The following DCTN2 variants were observed in gnomAD, a reference collection of about 807,000 sequenced individuals.
DCTN2 encodes 50 kDa dynein-associated polypeptide.
Under a neutral mutation model 55.4 loss-of-function variants are expected in DCTN2, and 18 were observed. The ratio of observed to expected loss-of-function variants is 0.32; its 90% CI spans 0.22 to 0.48. The LOEUF (loss-of-function observed/expected upper bound fraction) is 0.48. Ranked by LOEUF, DCTN2 falls within the 20% of genes least tolerant of loss-of-function variation. The pLI, the probability that DCTN2 is intolerant of heterozygous loss-of-function variation, is 0.99. For missense variants in DCTN2, 390 were observed against 491.0 expected (o/e 0.79, Z 1.94); for synonymous variants, 168 against 185.2 (o/e 0.91, Z 0.76).
chr12:57,538,598 G>C (rs1231015825), intron 2 of DCTN2: 6 of 711,200 alleles, frequency 8.4e-6, no homozygotes, highest in Non-Finnish European at 1.5e-5. Flanking sequence ...GGATGAGGGA[G>C]GGAAAAAAAA....
chr12:57,546,894 C>T, intron 1 of DCTN2, 134 bp downstream of exon 1: 2 of 765,426 alleles, frequency 2.6e-6, no homozygotes, highest in Non-Finnish European at 3.6e-6. Flanking sequence ...TGAGGCCGAT[C>T]GGAGAACGAG....
intron 2 of DCTN2, among the ~76,000 whole-genome samples, chr12:57,543,626 G>A (rs1204699291): frequency 6.6e-6 from 1 of 152,160 alleles, no homozygotes; most frequent in African/African-American, 2.4e-5. Flanking sequence ...AGGGACATGC[G>A]GGGGCCAGAG....
chr12:57,537,830 C>T (rs535457075), intron 2 of DCTN2, among the ~76,000 whole-genome samples: 1 of 152,300 alleles, frequency 6.6e-6, no homozygotes, highest in South Asian at 2.1e-4. Context: ...AGAACACCCA[C>T]CCATCTAATA....
intron 2 of DCTN2, chr12:57,538,482 C>A (rs745855258): frequency 1.3e-6 from 1 of 759,970 alleles, no homozygotes; most frequent in East Asian, 2.4e-5. Context: ...TCATAGCACA[C>A]CCCGTTAAAA....
intron 9 of DCTN2, 82 bp from the exon 10 acceptor site, chr12:57,532,892 T>G: frequency 1.3e-6 from 2 of 1,596,310 alleles, no homozygotes; most frequent in Non-Finnish European, 1.7e-6. Flanking sequence ...TAAATTAATA[T>G]ATAGCTACAA....
At chr12:57,545,672 T>A (rs188860578) in intron 2 of DCTN2, among the ~76,000 whole-genome samples, 50 of 152,314 alleles carry the variant, frequency 3.3e-4, no homozygotes, top group African/African-American at 1.2e-3. Flanking sequence ...TTGGTAGCAG[T>A]TTATTACAAG....
In DCTN2 at chr12:57,530,408, C is replaced by G. The variant is rs1879550469; in HGVS notation, c.*281G>C. 5 of 364,106 alleles carry G rather than the reference C, an allele frequency of 1.4e-5. No individual in the cohort carries two copies. In the South Asian group the frequency reaches 2.9e-4, roughly 21 times the overall value. 22.6% of individuals were successfully genotyped at this position (364,106 alleles called of 1,614,324 possible). A position where few individuals can be genotyped will look rare whatever the true frequency, so the allele number is the denominator to read the frequency against. ...GGACAAGACCCAATCCTTCCCCACA[C>G]CAGGCAAAGCAGTATTGGACATGAG... On this transcript the variant is annotated 3_prime_UTR_variant, in exon 14 of 14. Coordinates refer to ENST00000548249, the MANE Select transcript of DCTN2 (RefSeq NM_001261413.2).
rs368765016 is a variant in DCTN2, at chr12:57,534,090, G to T, written c.532C>A (p.Leu178Ile). The change falls in exon 7 of 14, where the codon CTA (leucine) becomes ATA (isoleucine). Residue 178 changes from leucine (L) to isoleucine (I), a missense_variant. Coordinates refer to ENST00000548249, the MANE Select transcript of DCTN2 (RefSeq NM_001261413.2). ...TTCTTTGTTGCTTCCAGCTGCAGTA[G>T]TAGGCGCCTAGTTAGGAGACCGAGT... ...DPDGALAKRL[L>I]LQLEATKNSK... The T allele has an allele frequency of 1.5e-5, 24 of 1,599,328 alleles. No individual in the cohort carries two copies. Among genetic ancestry groups the T allele is most frequent in the Non-Finnish European group, 2.0e-5 (24 of 1,173,010 alleles).
At chr12:57,531,952 C>A in intron 13 of DCTN2, 63 bp downstream of exon 13, 1 of 1,550,876 alleles carries the variant, frequency 6.4e-7, no homozygotes. Flanking sequence ...AACCCTATAA[C>A]ACTGGAGAAC....
rs1879770747 is a variant in DCTN2, at chr12:57,532,033, A to G, written c.1101T>C (p.Asn367=). The G allele has an allele frequency of 6.4e-7, 1 of 1,563,856 alleles. No individual in the cohort carries two copies. The highest frequency in any genetic ancestry group is 1.2e-5 in the South Asian group (1 of 84,620). Residue 367 remains asparagine, a synonymous_variant, in exon 13 of 14, where the codon AAT becomes AAC. Transcript: ENST00000548249. ...QQMIANSLKD[N]TTLLTQVQTT... ...CACACACCTGGGTCAAGAGGGTGGT[A>G]TTGTCCTTCAAGGAATTAGCAATCA...
At chr12:57,534,643 C>T (rs1880070229) in intron 5 of DCTN2, 191 bp from the exon 6 acceptor site, 5 of 537,594 alleles carry the variant, frequency 9.3e-6, no homozygotes, top group Non-Finnish European at 1.6e-5. Flanking sequence ...ACCTTAGCCC[C>T]TTTATCCAGG....
At chr12:57,541,342 A>T (rs1478210307) in intron 2 of DCTN2, 3 of 1,598,444 alleles carry the variant, frequency 1.9e-6, no homozygotes, top group Non-Finnish European at 2.5e-6. Flanking sequence ...ACATGCAGAG[A>T]AGAAGCATTG....
At chr12:57,531,663 A>G (rs1439955677) in intron 13 of DCTN2, among the ~76,000 whole-genome samples, 1 of 152,204 alleles carries the variant, frequency 6.6e-6, no homozygotes, top group Non-Finnish European at 1.5e-5. Context: ...CAAAGCCCGG[A>G]TTCCTTCCAG....
In DCTN2 at chr12:57,544,419, G is replaced by GTT. The variant is rs35689804; in HGVS notation, c.105+1607_105+1608dup. Among the ~76,000 whole-genome samples, 600 of 140,544 alleles carry GTT rather than the reference G, an allele frequency of 4.3e-3. 1 individual carries two copies. Among genetic ancestry groups the GTT allele is most frequent in the African/African-American group, 0.014 (537 of 38,138 alleles). 92.2% of individuals were successfully genotyped at this position (140,544 alleles called of 152,430 possible). A position where few individuals can be genotyped will look rare whatever the true frequency, so the allele number is the denominator to read the frequency against. Reference sequence around the variant, plus strand: ...TGTTTTTTTTTTTATTGTTGTACTGGTTTTTTTTTTTTTGAGATGGAGTCT... The same window carrying GTT: ...TGTTTTTTTTTTTATTGTTGTACTGGTTTTTTTTTTTTTTTGAGATGGAGTCT... On this transcript the variant is annotated intron_variant, in intron 2 of 13. Coordinates refer to ENST00000548249, the MANE Select transcript of DCTN2 (RefSeq NM_001261413.2).
chr12:57,534,460 G>C lies in DCTN2; in HGVS notation c.364-8C>G. On this transcript the variant is annotated splice_polypyrimidine_tract_variant and splice_region_variant and intron_variant, in intron 5 of 13. Coordinates refer to ENST00000548249, the MANE Select transcript of DCTN2 (RefSeq NM_001261413.2). ...TGACTCCTTCACTGTCGTCTAGTAT[G>C]AAAAAAGGTAGAAATCGGGGGATGG... 6.4e-7 allele frequency: 1 copy of C among 1,569,212 alleles called. No homozygotes were observed. Among genetic ancestry groups the C allele is most frequent in the Non-Finnish European group, 8.7e-7 (1 of 1,154,896 alleles).
Position 57,532,297 on chromosome 12 carries a change from T to C in DCTN2, c.943A>G (p.Thr315Ala), listed in dbSNP as rs773401072. ...GCAATGGGGCTCCAGCGCTGTATAG[T>C]TTCATATAGCTGGTGCACCTGAAGG... The part of the protein sequence containing the change: ...TQSKVHQLYE[T>A]IQRWSPIAST... Residue 315 changes from threonine (T) to alanine (A), a missense_variant, in exon 12 of 14, where the codon ACT (threonine) becomes GCT (alanine). Thr to Ala is a moderately conservative substitution (Grantham distance 58, BLOSUM62 0). This residue lies in a region of DCTN2 where 273 missense variants were observed against 303.2 expected (regional missense o/e 0.90). Transcript: ENST00000548249. 16 of 1,560,580 alleles carry C rather than the reference T, an allele frequency of 1.0e-5. No homozygotes were observed. Among genetic ancestry groups the C allele is most frequent in the Admixed American group, 1.9e-5 (1 of 52,262 alleles).
chr12:57,542,814 G>A (rs1880806192), intron 2 of DCTN2: 2 of 455,668 alleles, frequency 4.4e-6, no homozygotes, highest in Admixed American at 4.7e-5. Flanking sequence ...GTGAGACTCT[G>A]TCTCAAAAAC....
At chr12:57,543,020 A>G (rs1410129545) in intron 2 of DCTN2, 1 of 455,714 alleles carries the variant, frequency 2.2e-6, no homozygotes, top group Non-Finnish European at 4.4e-6. Context: ...AAATAAACTG[A>G]AGATTAAGGC....
chr12:57,540,882 T>C (rs2140133235), intron 2 of DCTN2, among the ~76,000 whole-genome samples: 1 of 152,336 alleles, frequency 6.6e-6, no homozygotes, highest in South Asian at 2.1e-4. Flanking sequence ...AGACCTAGCA[T>C]AGGGGAATAT....
Sources: allele counts gnomAD v4.1 joint callset (sites outside exome capture counted in the v4.1 genomes callset), GRCh38; gene constraint gnomAD v4.1.1; regional missense constraint gnomAD v4.1.1; transcripts MANE v1.5; gene names NCBI Gene and HGNC (gene_info 2026-07-23, HGNC 2026-07-21).